The following ABCD3 variants were observed in gnomAD, a reference collection of about 807,000 sequenced individuals.
ABCD3 encodes ATP-binding cassette sub-family D member 3.
ABCD3 carries 41 observed loss-of-function variants against 105.5 expected under a neutral mutation model. The observed-to-expected ratio is 0.39, with a 90% CI of 0.30 to 0.50. The LOEUF (loss-of-function observed/expected upper bound fraction) is 0.50, where lower values mean the gene tolerates loss of function less well. ABCD3 is among the 20% of genes least tolerant of loss of function. The pLI is 0.84. For synonymous variants in ABCD3, 258 were observed against 269.0 expected (o/e 0.96, Z 0.40); for missense variants, 622 against 806.3 (o/e 0.77, Z 2.77).
intron 16 of ABCD3, among the ~76,000 whole-genome samples, chr1:94,491,846 T>G (rs1649549500): frequency 6.6e-6 from 1 of 152,076 alleles, no homozygotes; most frequent in Non-Finnish European, 1.5e-5. Context: ...ACTCGCAGAT[T>G]TAAGGGTTAC....
At chr1:94,515,831 C>A (rs768377161) in intron 22 of ABCD3, among the ~76,000 whole-genome samples, 12 of 151,532 alleles carry the variant, frequency 7.9e-5, no homozygotes, top group Non-Finnish European at 3.0e-5. Context: ...TCCCTCCCTC[C>A]CTCCCTTCCT....
intron 3 of ABCD3, among the ~76,000 whole-genome samples, chr1:94,466,034 CTGATGAT>C (rs969466762): frequency 1.3e-5 from 2 of 152,134 alleles, no homozygotes; most frequent in African/African-American, 4.8e-5. Flanking sequence ...GCATCATCTC[CTGATGAT>C]TCTGCCCTTG....
chr1:94,475,808 A>C (rs1648710624), intron 7 of ABCD3, 71 bp downstream of exon 7: 7 of 1,323,320 alleles, frequency 5.3e-6, no homozygotes, highest in Non-Finnish European at 7.5e-6. Flanking sequence ...AAATTTATAT[A>C]GAATTGATTT....
rs1349137410 is a variant in ABCD3, at chr1:94,517,814, AG to A, written c.*689del. On this transcript the variant is annotated 3_prime_UTR_variant, in exon 23 of 23. Transcript: ENST00000370214. Reference sequence around the variant, plus strand: ...TATATGTGCAGTCTTGCTTACAAGGAGGGGTTACCATGTATCACACCTAATC... The same window carrying A: ...TATATGTGCAGTCTTGCTTACAAGGAGGGTTACCATGTATCACACCTAATC... 3 of 152,572 alleles carry A rather than the reference AG, an allele frequency of 2.0e-5. No homozygotes were observed. The highest frequency in any genetic ancestry group is 7.2e-5 in the African/African-American group (3 of 41,494). The allele number at this position is 152,572 out of a possible 1,614,324, so 9.5% of individuals were successfully genotyped here. A position where few individuals can be genotyped will look rare whatever the true frequency, so the allele number is the denominator to read the frequency against.
Position 94,497,852 on chromosome 1 carries a change from A to G in ABCD3, c.1387-750A>G, listed in dbSNP as rs72968340. On this transcript the variant is annotated intron_variant, in intron 16 of 22. Coordinates refer to ENST00000370214, the MANE Select transcript of ABCD3 (RefSeq NM_002858.4). ...CCTTACTATGGAAGATGCTTGAGGC[A>G]TTAAAGGAAAGGAATGGGGGAATCT... 7.2e-3 allele frequency among the ~76,000 whole-genome samples: 1,097 copies of G among 152,324 alleles called. 23 individuals carry two copies. Among genetic ancestry groups the G allele is most frequent in the African/African-American group, 0.025 (1,025 of 41,582 alleles).
At chr1:94,508,067 A>G (rs2101058718) in intron 21 of ABCD3, among the ~76,000 whole-genome samples, 1 of 151,126 alleles carries the variant, frequency 6.6e-6, no homozygotes, top group South Asian at 2.1e-4. Context: ...GTCCTTGCCC[A>G]TGCCTATGTC....
At chr1:94,495,521 A>G (rs1364582443) in intron 16 of ABCD3, among the ~76,000 whole-genome samples, 1 of 152,204 alleles carries the variant, frequency 6.6e-6, no homozygotes, top group Admixed American at 6.5e-5. Flanking sequence ...AACACTACCA[A>G]ATGCCGTGAA....
the ABCD3 span, among the ~76,000 whole-genome samples, chr1:94,401,486 G>A: frequency 5.4e-3 from 819 of 152,324 alleles, 8 homozygotes; most frequent in African/African-American, 0.018. Context: ...GGTTAGTTGT[G>A]TTTTGAAATT....
intron 1 of ABCD3, among the ~76,000 whole-genome samples, chr1:94,433,037 C>T (rs572871229): frequency 3.6e-4 from 55 of 150,912 alleles, no homozygotes; most frequent in Middle Eastern, 3.5e-3. Context: ...TTTGTATTTT[C>T]AGTAGAGACA....
At chr1:94,486,084 C>T (rs998740238) in intron 10 of ABCD3, among the ~76,000 whole-genome samples, 41 of 151,798 alleles carry the variant, frequency 2.7e-4, no homozygotes, top group African/African-American at 6.0e-4. Context: ...CCCAGCTACT[C>T]GGGAGGCTGA....
the ABCD3 span, among the ~76,000 whole-genome samples, chr1:94,392,896 G>A: frequency 4.6e-5 from 7 of 151,178 alleles, no homozygotes; most frequent in Admixed American, 6.6e-5. Flanking sequence ...GGCAGATCAC[G>A]AGGTCAAGAG....
chr1:94,431,153 CT>C (rs1425468816), intron 1 of ABCD3, among the ~76,000 whole-genome samples: 3 of 152,176 alleles, frequency 2.0e-5, no homozygotes, highest in Non-Finnish European at 2.9e-5. Context: ...AGTCAAACTT[CT>C]GACTATAAAT....
At chr1:94,501,634 G>A (rs947179584) in intron 20 of ABCD3, among the ~76,000 whole-genome samples, 16 of 152,192 alleles carry the variant, frequency 1.1e-4, no homozygotes, top group Non-Finnish European at 1.5e-5. Context: ...GAGTCAGCCA[G>A]GGTTGCTCCA....
intron 1 of ABCD3, 127 bp downstream of exon 1, chr1:94,418,715 A>G: frequency 1.1e-6 from 1 of 950,448 alleles, no homozygotes; most frequent in South Asian, 1.5e-5. Flanking sequence ...GCCGACCGCG[A>G]CTGCCGTGGG....
the ABCD3 span, among the ~76,000 whole-genome samples, chr1:94,396,587 A>G: frequency 7.2e-6 from 1 of 138,988 alleles, no homozygotes. Flanking sequence ...TCATGTGAAT[A>G]GAAGTGTGTG....
upstream of ABCD3, among the ~76,000 whole-genome samples, chr1:94,416,424 C>T (rs1028805182): frequency 4.6e-5 from 7 of 152,128 alleles, no homozygotes; most frequent in East Asian, 3.8e-4. Context: ...TTTTTTTACA[C>T]GTTTTTCTTC....
chr1:94,503,236 T>A (rs766986347), intron 20 of ABCD3, among the ~76,000 whole-genome samples: 10 of 152,076 alleles, frequency 6.6e-5, no homozygotes, highest in African/African-American at 2.4e-4. Flanking sequence ...GAGAGACACA[T>A]GTTGAGAAAA....
chr1:94,463,678 C>T (rs146997038), intron 2 of ABCD3, among the ~76,000 whole-genome samples: 10 of 152,206 alleles, frequency 6.6e-5, no homozygotes, highest in Non-Finnish European at 1.0e-4. Context: ...TAGTAAGTCT[C>T]GTCACGTGTT....
intron 20 of ABCD3, among the ~76,000 whole-genome samples, chr1:94,505,173 T>C (rs968688402): frequency 6.6e-6 from 1 of 152,182 alleles, no homozygotes; most frequent in African/African-American, 2.4e-5. Context: ...GAGGAATTTT[T>C]ATTTTTAATT....
Sources: allele counts gnomAD v4.1 joint callset (sites outside exome capture counted in the v4.1 genomes callset), GRCh38; gene constraint gnomAD v4.1.1; transcripts MANE v1.5; gene names NCBI Gene and HGNC (gene_info 2026-07-23, HGNC 2026-07-21).